SLC14A2: variants seen among roughly 807,000 people sequenced by gnomAD.
The protein encoded by SLC14A2 is urea transporter 2.
In SLC14A2, 91 loss-of-function variants were observed where a neutral mutation model predicts 104.6. The observed-to-expected ratio is 0.87, with a 90% confidence interval of 0.73 to 1.04. SLC14A2 has a LOEUF of 1.04. SLC14A2 is among the 50% of genes least tolerant of loss of function. The probability of loss-of-function intolerance (pLI) is 0.00; values close to 1 mark genes in which losing one functional copy is unlikely to be tolerated. For missense variants in SLC14A2, 1,189 were observed against 1,156.0 expected, an observed-to-expected ratio of 1.03 and a Z score of -0.41; for synonymous variants, 476 against 466.4, an observed-to-expected ratio of 1.02 and a Z score of -0.27.
At chr18:45,341,609 T>C (rs1297642740) in intron 1 of SLC14A2, among the ~76,000 whole-genome samples, 2 of 146,446 alleles carry the variant, frequency 1.4e-5, no homozygotes, top group African/African-American at 5.1e-5. Context: ...TTTTTTTTTT[T>C]TTTTTTTTTT....
chr18:45,291,147 T>G (rs1770092004), intron 1 of SLC14A2, among the ~76,000 whole-genome samples: 1 of 152,294 alleles, frequency 6.6e-6, no homozygotes, highest in East Asian at 1.9e-4. Flanking sequence ...AATATAGACA[T>G]GAAAACACAA....
intron 2 of SLC14A2, among the ~76,000 whole-genome samples, chr18:45,579,237 A>C (rs1045664931): frequency 2.0e-5 from 3 of 152,236 alleles, no homozygotes; most frequent in Non-Finnish European, 2.9e-5. Context: ...GAAATGCTAC[A>C]AGGCTCTTTG....
chr18:45,324,457 A>G (rs1023385334), intron 1 of SLC14A2, among the ~76,000 whole-genome samples: 4 of 152,150 alleles, frequency 2.6e-5, no homozygotes, highest in African/African-American at 9.7e-5. Flanking sequence ...AGAAGTCAGG[A>G]AAGTTGAAGC....
intron 2 of SLC14A2, among the ~76,000 whole-genome samples, chr18:45,559,712 CAT>C (rs1380399018): frequency 2.0e-5 from 3 of 152,234 alleles, no homozygotes; most frequent in Admixed American, 1.3e-4. Context: ...ATTTTCTAAA[CAT>C]GTGGTTATGG....
intron 1 of SLC14A2, among the ~76,000 whole-genome samples, chr18:45,412,961 G>T (rs769312724): frequency 6.6e-6 from 1 of 152,198 alleles, no homozygotes; most frequent in African/African-American, 2.4e-5. Flanking sequence ...AAGCAAAAGT[G>T]CGGGGACCAG....
chr18:45,438,458 A>C (rs1325600026), intron 1 of SLC14A2: 1 of 152,238 alleles, frequency 6.6e-6, no homozygotes, highest in Non-Finnish European at 1.5e-5. Flanking sequence ...AGTTAAAGAA[A>C]GGCTCAGTGT....
intron 1 of SLC14A2, among the ~76,000 whole-genome samples, chr18:45,227,770 G>A (rs1262059904): frequency 1.3e-5 from 2 of 152,194 alleles, no homozygotes; most frequent in Non-Finnish European, 2.9e-5. Flanking sequence ...GTGGTGCAAT[G>A]TAAGTACCAA....
At chr18:45,464,913 CAGAT>C in intron 1 of SLC14A2, among the ~76,000 whole-genome samples, 1 of 152,182 alleles carries the variant, frequency 6.6e-6, no homozygotes, top group East Asian at 1.9e-4. Flanking sequence ...CTGTCTCTGA[CAGAT>C]AGATTGTCCC....
In SLC14A2 at chr18:45,664,546, C is replaced by A. The variant is rs141414341; in HGVS notation, c.1474+639C>A. Among the ~76,000 whole-genome samples the A allele has an allele frequency of 5.8e-3, 883 of 152,330 alleles. 3 individuals carry two copies. Among genetic ancestry groups the A allele is most frequent in the African/African-American group, 0.02 (828 of 41,572 alleles). On this transcript the variant is annotated intron_variant, in intron 11 of 19. Coordinates refer to ENST00000255226, the MANE Select transcript of SLC14A2 (RefSeq NM_007163.4). ...ATCCAGGACACAGGGACCATCTAATCCTGCCTCCAATCCCCAGAGAGGGGG... is the reference window on the plus strand; with the variant it reads ...ATCCAGGACACAGGGACCATCTAATACTGCCTCCAATCCCCAGAGAGGGGG...
chr18:45,413,069 C>A (rs796221659), intron 1 of SLC14A2, among the ~76,000 whole-genome samples: 1 of 152,106 alleles, frequency 6.6e-6, no homozygotes, highest in African/African-American at 2.4e-5. Flanking sequence ...TTTTGTCAAT[C>A]ATTAGGGAGA....
chr18:45,464,568 C>A (rs1035238805), intron 1 of SLC14A2, among the ~76,000 whole-genome samples: 4 of 152,190 alleles, frequency 2.6e-5, no homozygotes, highest in Non-Finnish European at 5.9e-5. Context: ...GGCAGATGTT[C>A]AGGTGGAGAG....
At chr18:45,557,162 A>G (rs2044143835) in intron 2 of SLC14A2, among the ~76,000 whole-genome samples, 1 of 152,250 alleles carries the variant, frequency 6.6e-6, no homozygotes, top group African/African-American at 2.4e-5. Context: ...CCATGGAAGC[A>G]CTGGCCACAG....
chr18:45,406,381 T>C (rs2086154960), intron 1 of SLC14A2, among the ~76,000 whole-genome samples: 1 of 152,202 alleles, frequency 6.6e-6, no homozygotes, highest in African/African-American at 2.4e-5. Context: ...TCTAGTTCTG[T>C]TACAATTCTA....
At chr18:45,563,353 A>T (rs1385475059) in intron 2 of SLC14A2, among the ~76,000 whole-genome samples, 2 of 152,262 alleles carry the variant, frequency 1.3e-5, no homozygotes, top group African/African-American at 4.8e-5. Flanking sequence ...ATAAGGGCAG[A>T]CCAGTGTTGT....
intron 2 of SLC14A2, among the ~76,000 whole-genome samples, chr18:45,542,035 GTTTTTTTT>G (rs60977948): frequency 5.5e-5 from 3 of 54,236 alleles, no homozygotes; most frequent in East Asian, 1.7e-3. Flanking sequence ...AAGAGAGAGG[GTTTTTTTT>G]TTTTTTTTTT....
intron 3 of SLC14A2, 34 bp from the exon 4 acceptor site, chr18:45,626,924 G>T: frequency 6.3e-7 from 1 of 1,585,678 alleles, no homozygotes; most frequent in Non-Finnish European, 8.6e-7. Flanking sequence ...GCCCAAGCTG[G>T]ACCTGCTGAT....
chr18:45,601,662 C>T (rs2044792931), intron 2 of SLC14A2, among the ~76,000 whole-genome samples: 1 of 152,212 alleles, frequency 6.6e-6, no homozygotes, highest in African/African-American at 2.4e-5. Context: ...CCCAGCTGAG[C>T]CTAACCAATG....
At position 45,682,687 on chromosome 18, in the gene SLC14A2, T is replaced by C; in HGVS notation, c.*168T>C. ...ATTCCAGAACCTCTCTTTTCTAAGATGCACAACACTTATCAAAGATATGTT... is the reference window on the plus strand; with the variant it reads ...ATTCCAGAACCTCTCTTTTCTAAGACGCACAACACTTATCAAAGATATGTT... On this transcript the variant is annotated 3_prime_UTR_variant, in exon 20 of 20. Transcript: ENST00000255226. 3.2e-6 allele frequency: 2 copies of C among 624,870 alleles called. No individual in the cohort carries two copies. Among genetic ancestry groups the C allele is most frequent in the South Asian group, 3.8e-5 (2 of 52,454 alleles). The allele number at this position is 624,870 out of a possible 1,614,324, so 38.7% of individuals were successfully genotyped here.
At chr18:45,301,774 T>C (rs980829469) in intron 1 of SLC14A2, among the ~76,000 whole-genome samples, 3 of 152,238 alleles carry the variant, frequency 2.0e-5, no homozygotes, top group African/African-American at 7.2e-5. Context: ...GGAATGATTT[T>C]GTATCCTGAA....
Sources: allele counts gnomAD v4.1 joint callset (sites outside exome capture counted in the v4.1 genomes callset), GRCh38; gene constraint gnomAD v4.1.1; transcripts MANE v1.5; gene names NCBI Gene and HGNC (gene_info 2026-07-23, HGNC 2026-07-21).